Variants in ARB2A observed in about 807,000 individuals in gnomAD.
ARB2A encodes ARB2 cotranscriptional regulator A.
At chr5:93,898,583 T>C in the ARB2A span, among the ~76,000 whole-genome samples, 2 of 152,086 alleles carry the variant, frequency 1.3e-5, no homozygotes, top group Non-Finnish European at 2.9e-5. Context: ...GTCCATGTTA[T>C]GTACAGTAAG....
chr5:94,110,042 A>G, the ARB2A span, among the ~76,000 whole-genome samples: 3 of 151,430 alleles, frequency 2.0e-5, no homozygotes, highest in African/African-American at 4.8e-5. Context: ...ACGCCACCAC[A>G]CCCAGCTAAT....
chr5:93,959,103 C>T, the ARB2A span: 2 of 532,154 alleles, frequency 3.8e-6, no homozygotes, highest in Non-Finnish European at 6.0e-6. Context: ...ACAATTTTAA[C>T]ACAAAATTAA....
chr5:93,698,278 A>T, the ARB2A span, among the ~76,000 whole-genome samples: 1 of 152,228 alleles, frequency 6.6e-6, no homozygotes, highest in African/African-American at 2.4e-5. Context: ...AATATTTGTT[A>T]AAGTGCCTGT....
At chr5:93,701,997 G>A in the ARB2A span, among the ~76,000 whole-genome samples, 2 of 152,038 alleles carry the variant, frequency 1.3e-5, no homozygotes, top group African/African-American at 2.4e-5. Flanking sequence ...GTGGGGTGAC[G>A]TTTTCAGACT....
the ARB2A span, among the ~76,000 whole-genome samples, chr5:94,033,329 G>A: frequency 6.6e-6 from 1 of 152,090 alleles, no homozygotes; most frequent in Admixed American, 6.5e-5. Context: ...TGTGCCTTGA[G>A]TCTCACATGA....
chr5:93,687,988 C>A, the ARB2A span, among the ~76,000 whole-genome samples: 1 of 131,880 alleles, frequency 7.6e-6, no homozygotes, highest in South Asian at 2.3e-4. Context: ...TTTTTTTTTT[C>A]TTTGAGATAG....
the ARB2A span, among the ~76,000 whole-genome samples, chr5:93,779,926 G>T: frequency 6.6e-6 from 1 of 152,046 alleles, no homozygotes; most frequent in Admixed American, 6.6e-5. Flanking sequence ...TTTGACATTT[G>T]AACCAAGGGT....
the ARB2A span, among the ~76,000 whole-genome samples, chr5:93,827,887 G>C: frequency 2.6e-5 from 4 of 152,062 alleles, no homozygotes; most frequent in Non-Finnish European, 5.9e-5. Flanking sequence ...TCTCAGGTTT[G>C]TCAAAGATCA....
the ARB2A span, among the ~76,000 whole-genome samples, chr5:93,723,690 T>A: frequency 6.6e-6 from 1 of 152,046 alleles, no homozygotes; most frequent in African/African-American, 2.4e-5. Context: ...ACCTTATCGA[T>A]GCTAGTGAAG....
the ARB2A span, among the ~76,000 whole-genome samples, chr5:94,075,908 A>G: frequency 6.6e-6 from 1 of 152,142 alleles, no homozygotes; most frequent in Non-Finnish European, 1.5e-5. Flanking sequence ...TCCACTAAGA[A>G]CTACCGATGA....
the ARB2A span, among the ~76,000 whole-genome samples, chr5:94,099,645 A>C: frequency 5.3e-5 from 8 of 150,910 alleles, no homozygotes; most frequent in East Asian, 1.2e-3. Context: ...AAAAAAAAAA[A>C]AAAAAACCGA....
the ARB2A span, among the ~76,000 whole-genome samples, chr5:93,815,406 G>T: frequency 1.3e-5 from 2 of 152,124 alleles, no homozygotes; most frequent in African/African-American, 4.8e-5. Flanking sequence ...AAAAATGATA[G>T]TCCTTCCTCT....
At chr5:93,805,040 G>A in the ARB2A span, 1 of 963,290 alleles carries the variant, frequency 1.0e-6, no homozygotes, top group Middle Eastern at 5.4e-4. Context: ...ATTTTATGAG[G>A]GGATGCATTT....
the ARB2A span, among the ~76,000 whole-genome samples, chr5:93,705,244 A>T: frequency 6.6e-6 from 1 of 152,336 alleles, no homozygotes; most frequent in South Asian, 2.1e-4. Flanking sequence ...CTCCATGGGG[A>T]AAGTTAACCA....
At chr5:93,885,044 ACAAAG>A in the ARB2A span, among the ~76,000 whole-genome samples, 30 of 151,748 alleles carry the variant, frequency 2.0e-4, no homozygotes, top group African/African-American at 6.7e-4. Context: ...ATAGAGTAAA[ACAAAG>A]CAAAGACAAA....
At chr5:93,627,591 C>G in the ARB2A span, among the ~76,000 whole-genome samples, 1 of 151,828 alleles carries the variant, frequency 6.6e-6, no homozygotes, top group Non-Finnish European at 1.5e-5. Context: ...ATTACAGGTG[C>G]GCACCACCAC....
At chr5:94,099,890 T>C in the ARB2A span, among the ~76,000 whole-genome samples, 2 of 152,188 alleles carry the variant, frequency 1.3e-5, no homozygotes, top group South Asian at 2.1e-4. Flanking sequence ...AAGACAAGGA[T>C]GCCCTCTCTC....
chr5:94,037,956 T>G, the ARB2A span, among the ~76,000 whole-genome samples: 1 of 152,138 alleles, frequency 6.6e-6, no homozygotes, highest in Non-Finnish European at 1.5e-5. Context: ...GTACTCTTAG[T>G]TGTTTTTATA....
At chr5:93,797,945 A>T in the ARB2A span, among the ~76,000 whole-genome samples, 1 of 152,140 alleles carries the variant, frequency 6.6e-6, no homozygotes, top group African/African-American at 2.4e-5. Flanking sequence ...TCAACAAAAC[A>T]TCAATGTGTC....
Sources: gnomAD v4.1 joint callset for allele counts (sites outside exome capture counted in the v4.1 genomes callset) on GRCh38, gnomAD v4.1.1 for gene constraint, MANE v1.5 for transcripts, NCBI Gene and HGNC (gene_info 2026-07-23, HGNC 2026-07-21) for gene names.